Variants in BSX observed in about 807,000 individuals in gnomAD.
The protein encoded by BSX is brain-specific homeobox protein homolog.
BSX carries 12 observed loss-of-function variants against 16.9 expected under a neutral mutation model. That is an observed-to-expected ratio of 0.71 (90% CI 0.46 to 1.15). The LOEUF is 1.15. BSX is among the 50% of genes most tolerant of loss of function. The pLI is 0.00. For synonymous variants in BSX, 160 were observed against 136.4 expected (o/e 1.17, Z -1.20); for missense variants, 292 against 311.8 (o/e 0.94, Z 0.48).
At chr11:122,979,529 C>T (rs762642913) in intron 1 of BSX, 72 bp from the exon 2 acceptor site, 52 of 1,389,466 alleles carry the variant, frequency 3.7e-5, no homozygotes, top group East Asian at 2.6e-4. Context: ...CGCTCCCCTC[C>T]CCTCCCCTAG....
Position 122,981,576 on chromosome 11 carries a change from C to G in BSX, c.96G>C (p.Pro32=). ...AATGGTCTGGGGCCACCTCTCTCAG[C>G]GGCTTGGGCTTGTGCAGCAGGATGT... ...IEDILLHKPK[P]LREVAPDHFA... The change falls in exon 1 of 3, where the codon CCG becomes CCC. Residue 32 remains proline, a synonymous_variant. Transcript: ENST00000343035. 1 of 1,599,590 alleles carries G rather than the reference C, an allele frequency of 6.3e-7. No individual in the cohort carries two copies. The highest frequency in any genetic ancestry group is 1.1e-5 in the South Asian group (1 of 88,166).
intron 1 of BSX, among the ~76,000 whole-genome samples, chr11:122,980,385 C>T (rs1247996118): frequency 6.6e-6 from 1 of 152,132 alleles, no homozygotes; most frequent in Non-Finnish European, 1.5e-5. Flanking sequence ...GGAGGACCAC[C>T]GGAGCAGCTG....
Position 122,977,783 on chromosome 11 carries a change from G to T in BSX, c.568C>A (p.Arg190Ser). Reference protein sequence around the residue: ...DGPESPEGSPRGSEAATAAEA... With the variant: ...DGPESPEGSPSGSEAATAAEA... ...GCGGCGGTGGCGGCCTCTGAACCGC[G>T]GGGGCTGCCCTCGGGGCTTTCTGGC... Residue 190 changes from arginine to serine, a missense_variant, in exon 3 of 3, where the codon CGC becomes AGC. Transcript: ENST00000343035. This position sits in a 1 kb window ranked among gnomAD's most constrained non-coding sequence, Gnocchi z 4.5. 1 of 1,613,544 alleles carries T rather than the reference G, an allele frequency of 6.2e-7. No homozygotes were observed. Among genetic ancestry groups the T allele is most frequent in the Non-Finnish European group, 8.5e-7 (1 of 1,179,734 alleles).
At chr11:122,980,794 T>G (rs1202630771) in intron 1 of BSX, among the ~76,000 whole-genome samples, 1 of 152,086 alleles carries the variant, frequency 6.6e-6, no homozygotes, top group Non-Finnish European at 1.5e-5. Flanking sequence ...CAGACTAAGA[T>G]TGTGAGTTAA....
At chr11:122,980,186 G>A (rs1312308408) in intron 1 of BSX, among the ~76,000 whole-genome samples, 1 of 152,078 alleles carries the variant, frequency 6.6e-6, no homozygotes, top group East Asian at 1.9e-4. Context: ...GAAGCAGAAG[G>A]GTTTGAGGGG....
In BSX at chr11:122,979,455, T is replaced by A. The variant is rs531543505; in HGVS notation, c.265A>T (p.Met89Leu). ...TGCGGGAACAGCGCTGGGACTGGCA[T>A]CCCTGCAGAGAGAAGAGCAACCAAG... ...HHPYFLTTSG[M>L]PVPALFPHPQ... is the part of the protein sequence containing the mutation. The change falls in exon 2 of 3, where the codon ATG becomes TTG. Residue 89 changes from methionine to leucine, a missense_variant and splice_region_variant. Physicochemically the swap from Met to Leu is conservative, Grantham distance 15 (BLOSUM62 2). This residue lies in a region of BSX where 176 missense variants were observed against 187.2 expected (regional missense o/e 0.94). Transcript: ENST00000343035. 6.2e-7 allele frequency: 1 copy of A among 1,610,234 alleles called. No homozygotes were observed.
intron 1 of BSX, among the ~76,000 whole-genome samples, chr11:122,980,725 CA>C (rs1284505905): frequency 1.3e-5 from 2 of 152,268 alleles, no homozygotes; most frequent in South Asian, 2.1e-4. Flanking sequence ...CCAGAGAAAT[CA>C]AAATACTTTA....
chr11:122,979,511 C>T, intron 1 of BSX, 54 bp from the exon 2 acceptor site: 1 of 1,486,302 alleles, frequency 6.7e-7, no homozygotes, highest in Non-Finnish European at 9.1e-7. Context: ...GGAGAGCAAT[C>T]TCCGCTCCGC....
At chr11:122,979,238 G>A in intron 2 of BSX, 23 bp downstream of exon 2, 1 of 1,599,100 alleles carries the variant, frequency 6.3e-7, no homozygotes, top group Non-Finnish European at 8.5e-7. Flanking sequence ...CAGAGATCAG[G>A]GCCTCCCTCT....
intron 1 of BSX, among the ~76,000 whole-genome samples, chr11:122,979,985 G>A (rs1864549031): frequency 6.6e-6 from 1 of 151,946 alleles, no homozygotes; most frequent in Non-Finnish European, 1.5e-5. Flanking sequence ...TGTTTCCCAA[G>A]CCACCCCTAT....
intron 1 of BSX, among the ~76,000 whole-genome samples, chr11:122,981,155 GC>G (rs1864563453): frequency 1.3e-5 from 2 of 152,162 alleles, no homozygotes; most frequent in South Asian, 4.1e-4. Flanking sequence ...CCTATACGCT[GC>G]CTCTTGACCA....
intron 2 of BSX, 51 bp downstream of exon 2, chr11:122,979,210 A>C (rs1171387987): frequency 6.6e-7 from 1 of 1,524,896 alleles, no homozygotes. Flanking sequence ...TAAGACTTGA[A>C]GGCAGAGAGG....
intron 1 of BSX, 99 bp downstream of exon 1, chr11:122,981,311 G>A (rs1182131318): frequency 1.6e-6 from 2 of 1,216,660 alleles, no homozygotes; most frequent in Non-Finnish European, 1.1e-6. Flanking sequence ...AAGCCAGGCC[G>A]AGCCAGTCTG....
At chr11:122,978,296 G>T (rs1864522604) in intron 2 of BSX, among the ~76,000 whole-genome samples, 2 of 152,190 alleles carry the variant, frequency 1.3e-5, no homozygotes, top group Admixed American at 1.3e-4. Context: ...TCAGACCCGG[G>T]CCTGGCAGAG....
Position 122,979,401 on chromosome 11 carries a change from G to T in BSX, c.319C>A (p.His107Asn), listed in dbSNP as rs371977061. The stretch of plus-strand genomic sequence containing the variant: ...GTGCGGGCTTTGCGGCGGCGGCAGT[G>T]CTTCCCCGGCAGCTCCGCGTGCTGC... ...HPQHAELPGK[H>N]CRRRKARTVF... The change falls in exon 2 of 3, where the codon CAC becomes AAC. Residue 107 changes from histidine to asparagine, a missense_variant. Coordinates refer to ENST00000343035, the MANE Select transcript of BSX (RefSeq NM_001098169.2). 35 of 1,613,786 alleles carry T rather than the reference G, an allele frequency of 2.2e-5. No homozygotes were observed. Among genetic ancestry groups the T allele is most frequent in the Admixed American group, 1.0e-4 (6 of 60,002 alleles).
chr11:122,979,084 G>T (rs925287401), intron 2 of BSX, among the ~76,000 whole-genome samples, 177 bp downstream of exon 2: 1 of 152,162 alleles, frequency 6.6e-6, no homozygotes, highest in African/African-American at 2.4e-5. Context: ...GATTACAGGC[G>T]TGAGCCACCG....
chr11:122,979,422 G>A lies in BSX; in HGVS notation c.298C>T (p.His100Tyr). 6.2e-7 allele frequency: 1 copy of A among 1,613,448 alleles called. No individual in the cohort carries two copies. The highest frequency in any genetic ancestry group is 8.5e-7 in the Non-Finnish European group (1 of 1,179,882). ...PVPALFPHPQ[H>Y]AELPGKHCRR... ...CAGTGCTTCCCCGGCAGCTCCGCGT[G>A]CTGCGGGTGCGGGAACAGCGCTGGG... The change falls in exon 2 of 3, where the codon CAC (histidine) becomes TAC (tyrosine). Residue 100 changes from histidine to tyrosine, a missense_variant. By Grantham distance (83) the His-to-Tyr change is moderately conservative (BLOSUM62 2). Transcript: ENST00000343035.
chr11:122,979,602 CTT>C (rs1429072094), intron 1 of BSX, 145 bp from the exon 2 acceptor site: 2 of 582,982 alleles, frequency 3.4e-6, no homozygotes, highest in East Asian at 3.2e-5. Flanking sequence ...CCCCTCAAGC[CTT>C]TCTCTCAGGA....
rs991747229 is a variant in BSX, at chr11:122,977,750, G to T, written c.601C>A (p.Arg201=). The T allele has an allele frequency of 1.2e-6, 2 of 1,611,088 alleles. No individual in the cohort carries two copies. Among genetic ancestry groups the T allele is most frequent in the African/African-American group, 2.7e-5 (2 of 75,014 alleles). Residue 201 remains arginine (R), a synonymous_variant, in exon 3 of 3, where the codon CGG becomes AGG. Coordinates refer to ENST00000343035, the MANE Select transcript of BSX (RefSeq NM_001098169.2). The surrounding 1 kb of genome is among the most constrained non-coding windows in gnomAD (Gnocchi z 4.5). ...GSEAATAAEA[R]LSLPAGPFVL... is the part of the protein sequence containing the mutation. ...AAGGGACCGGCGGGCAGGCTCAGCC[G>T]AGCCTCGGCGGCGGTGGCGGCCTCT...
Sources: allele counts gnomAD v4.1 joint callset (sites outside exome capture counted in the v4.1 genomes callset), GRCh38; gene constraint gnomAD v4.1.1; regional missense constraint gnomAD v4.1.1; non-coding constraint Gnocchi (gnomAD v3.1); transcripts MANE v1.5; gene names NCBI Gene and HGNC (gene_info 2026-07-23, HGNC 2026-07-21).